ADAMTSL3: variants seen among roughly 807,000 people sequenced by gnomAD.
ADAMTSL3 encodes the protein ADAMTS like 3, also known as ADAMTS-like protein 3.
Under a neutral mutation model 201.7 loss-of-function variants are expected in ADAMTSL3, and 128 were observed. That is an observed-to-expected ratio of 0.63 (90% CI 0.55 to 0.73). ADAMTSL3 has a LOEUF of 0.73. ADAMTSL3 is among the 30% of genes least tolerant of loss of function. ADAMTSL3 has a pLI of 0.00. For missense variants in ADAMTSL3, 1,990 were observed against 2,119.6 expected (o/e 0.94, Z 1.20); for synonymous variants, 738 against 748.4 (o/e 0.99, Z 0.23).
intron 17 of ADAMTSL3, among the ~76,000 whole-genome samples, chr15:83,934,413 A>G (rs1347602566): frequency 6.6e-6 from 1 of 152,218 alleles, no homozygotes; most frequent in African/African-American, 2.4e-5. Context: ...TACCCCCATT[A>G]TATCTAGGAA....
chr15:83,851,295 C>T (rs1167544324), intron 7 of ADAMTSL3, among the ~76,000 whole-genome samples: 2 of 152,066 alleles, frequency 1.3e-5, no homozygotes, highest in Non-Finnish European at 2.9e-5. Flanking sequence ...TGCTTTCTCT[C>T]CAAGAGTTAT....
intron 15 of ADAMTSL3, among the ~76,000 whole-genome samples, chr15:83,912,398 ATTCT>A (rs2065950419): frequency 1.3e-5 from 2 of 152,200 alleles, no homozygotes; most frequent in African/African-American, 4.8e-5. Context: ...CATAAAAATG[ATTCT>A]CAGCTGGTAG....
intron 17 of ADAMTSL3, among the ~76,000 whole-genome samples, chr15:83,939,803 G>A (rs1041493819): frequency 2.0e-5 from 3 of 151,984 alleles, no homozygotes; most frequent in East Asian, 3.9e-4. Context: ...TGTGTTTTCA[G>A]TGGCGATGGG....
chr15:83,961,973 A>C (rs955365085), intron 19 of ADAMTSL3, among the ~76,000 whole-genome samples: 1 of 152,178 alleles, frequency 6.6e-6, no homozygotes, highest in Non-Finnish European at 1.5e-5. Context: ...CTGTGTCCCC[A>C]CCCAAATCTC....
chr15:83,889,260 G>A (rs1031365558), intron 10 of ADAMTSL3, among the ~76,000 whole-genome samples: 1 of 152,166 alleles, frequency 6.6e-6, no homozygotes, highest in Non-Finnish European at 1.5e-5. Context: ...GATGGATTTT[G>A]TTCCTTTCTG....
intron 3 of ADAMTSL3, among the ~76,000 whole-genome samples, chr15:83,769,338 A>G (rs1377861933): frequency 6.6e-6 from 1 of 152,184 alleles, no homozygotes; most frequent in East Asian, 1.9e-4. Context: ...ATTTACCTAA[A>G]TGATTTGGAC....
intron 3 of ADAMTSL3, among the ~76,000 whole-genome samples, chr15:83,731,143 T>C (rs188354939): frequency 1.3e-5 from 2 of 152,260 alleles, no homozygotes; most frequent in African/African-American, 4.8e-5. Flanking sequence ...TGTTTGTTTT[T>C]ATGCCGGTAC....
intron 9 of ADAMTSL3, among the ~76,000 whole-genome samples, chr15:83,876,128 A>G (rs111548749): frequency 2.6e-5 from 4 of 152,196 alleles, no homozygotes; most frequent in South Asian, 2.1e-4. Flanking sequence ...CCATTTTTCA[A>G]ACTTAGCTCT....
chr15:83,655,533 A>G (rs755708421), intron 1 of ADAMTSL3, among the ~76,000 whole-genome samples, 196 bp from the exon 2 acceptor site: 6 of 152,208 alleles, frequency 3.9e-5, no homozygotes, highest in Non-Finnish European at 8.8e-5. Flanking sequence ...CCCTCGCCTG[A>G]CTTTGTTGTG....
chr15:83,899,656 C>G lies in ADAMTSL3; in HGVS notation c.1625C>G (p.Pro542Arg). ...GTTCTCTTTTTCTTAGAAAAAAGTCCAGTGGAAGCAAAATTGCCTTGGCTG... is the reference window on the plus strand; with the variant it reads ...GTTCTCTTTTTCTTAGAAAAAAGTCGAGTGGAAGCAAAATTGCCTTGGCTG... ...IPCYKPKEKS[P>R]VEAKLPWLKQ... is the part of the protein sequence containing the mutation. The change falls in exon 15 of 30, where the codon CCA becomes CGA. Residue 542 changes from proline to arginine, a missense_variant. Pro to Arg is a moderately radical substitution (Grantham distance 103). Transcript: ENST00000286744. 1 of 1,611,170 alleles carries G rather than the reference C, an allele frequency of 6.2e-7. No individual in the cohort carries two copies. Among genetic ancestry groups the G allele is most frequent in the East Asian group, 2.2e-5 (1 of 44,622 alleles).
At chr15:83,955,608 A>C (rs1009438408) in intron 19 of ADAMTSL3, among the ~76,000 whole-genome samples, 1 of 152,046 alleles carries the variant, frequency 6.6e-6, no homozygotes, top group African/African-American at 2.4e-5. Context: ...TCAGGGCCCA[A>C]GGGCTCTTTA....
At chr15:83,953,336 G>A (rs2066791287) in intron 19 of ADAMTSL3, among the ~76,000 whole-genome samples, 2 of 151,960 alleles carry the variant, frequency 1.3e-5, no homozygotes, top group Admixed American at 6.6e-5. Context: ...CATGAGGCTT[G>A]CACATACTAT....
intron 4 of ADAMTSL3, among the ~76,000 whole-genome samples, chr15:83,778,271 G>T (rs1234287580): frequency 2.0e-5 from 3 of 152,082 alleles, no homozygotes; most frequent in Admixed American, 6.6e-5. Flanking sequence ...TTCAGGAAAT[G>T]CAGAGAACCC....
At chr15:83,700,696 G>A (rs1303713707) in intron 2 of ADAMTSL3, among the ~76,000 whole-genome samples, 2 of 152,108 alleles carry the variant, frequency 1.3e-5, no homozygotes, top group South Asian at 2.1e-4. Context: ...CCTGTGAGGC[G>A]GAGAGTGCAG....
chr15:83,662,313 T>A (rs2061179185), intron 2 of ADAMTSL3, among the ~76,000 whole-genome samples: 3 of 142,288 alleles, frequency 2.1e-5, no homozygotes. Flanking sequence ...CTCAGTAAAC[T>A]ATCGCAAGAA....
chr15:83,874,988 A>G (rs541698919), intron 9 of ADAMTSL3, among the ~76,000 whole-genome samples: 1 of 141,864 alleles, frequency 7.0e-6, no homozygotes, highest in East Asian at 2.7e-4. Context: ...ACCACCTCTC[A>G]TCGACAAGAA....
At chr15:83,767,124 G>T (rs1382092025) in intron 3 of ADAMTSL3, among the ~76,000 whole-genome samples, 2 of 152,104 alleles carry the variant, frequency 1.3e-5, no homozygotes, top group African/African-American at 4.8e-5. Context: ...TTATCGATGA[G>T]CCTTGGACAC....
chr15:83,826,388 A>G (rs2064022616), intron 6 of ADAMTSL3, among the ~76,000 whole-genome samples: 1 of 149,580 alleles, frequency 6.7e-6, no homozygotes, highest in African/African-American at 2.5e-5. Flanking sequence ...CCCTCACAAC[A>G]CTGGGGTTAT....
intron 10 of ADAMTSL3, among the ~76,000 whole-genome samples, chr15:83,888,974 C>T (rs1409897761): frequency 1.3e-5 from 2 of 152,210 alleles, no homozygotes; most frequent in African/African-American, 2.4e-5. Context: ...TTTTTTCTTT[C>T]GTAAAGAGCT....
Sources: allele counts gnomAD v4.1 joint callset (sites outside exome capture counted in the v4.1 genomes callset), GRCh38; gene constraint gnomAD v4.1.1; transcripts MANE v1.5; gene names NCBI Gene and HGNC (gene_info 2026-07-23, HGNC 2026-07-21).